Variants in RELN observed in about 807,000 individuals in gnomAD.
RELN encodes the protein reelin.
RELN carries 108 observed loss-of-function variants against 427.6 expected under a neutral mutation model. The observed-to-expected ratio is 0.25, with a 90% CI of 0.22 to 0.30. RELN has a LOEUF of 0.30. RELN is among the 10% of genes least tolerant of loss of function. The probability of loss-of-function intolerance (pLI) is 1.00; values close to 1 mark genes in which losing one functional copy is unlikely to be tolerated. For synonymous variants in RELN, 1,524 were observed against 1,513.4 expected, an observed-to-expected ratio of 1.01 and a Z score of -0.16; for missense variants, 3,715 against 4,302.8, an observed-to-expected ratio of 0.86 and a Z score of 3.82.
At chr7:103,552,391 C>T (rs1830433106) in intron 40 of RELN, among the ~76,000 whole-genome samples, 3 of 151,674 alleles carry the variant, frequency 2.0e-5, no homozygotes, top group Non-Finnish European at 2.9e-5. Context: ...ATACACTATA[C>T]ATATTATGTG....
chr7:103,835,378 C>T (rs1202524946), intron 2 of RELN, among the ~76,000 whole-genome samples: 2 of 152,134 alleles, frequency 1.3e-5, no homozygotes, highest in Non-Finnish European at 2.9e-5. Context: ...GATATGTGTC[C>T]TTATAAATGT....
intron 3 of RELN, among the ~76,000 whole-genome samples, chr7:103,781,897 A>C (rs1176202494): frequency 6.6e-6 from 1 of 152,096 alleles, no homozygotes; most frequent in Admixed American, 6.6e-5. Context: ...GTTATTAACT[A>C]TGCTGGTACT....
rs1830732772 is a variant in RELN, at chr7:103,565,563, A to C, written c.4937-12T>G. On this transcript the variant is annotated splice_polypyrimidine_tract_variant and intron_variant, in intron 33 of 64. Transcript: ENST00000428762. ...ATAACGAGGTTTTCCTGAAAAAAAA[A>C]AATGTGTAATGGTAGCATATATGTG... The C allele has an allele frequency of 6.2e-7, 1 of 1,611,990 alleles. No individual in the cohort carries two copies. Among genetic ancestry groups the C allele is most frequent in the East Asian group, 2.2e-5 (1 of 44,786 alleles).
intron 6 of RELN, among the ~76,000 whole-genome samples, chr7:103,747,437 A>T (rs1790871659): frequency 6.6e-6 from 1 of 152,046 alleles, no homozygotes; most frequent in African/African-American, 2.4e-5. Context: ...AAAAAATAAA[A>T]AGAACGGTAT....
intron 37 of RELN, among the ~76,000 whole-genome samples, chr7:103,557,541 C>A (rs1830552447): frequency 6.6e-6 from 1 of 152,136 alleles, no homozygotes; most frequent in Non-Finnish European, 1.5e-5. Context: ...TATCTACAAT[C>A]AATTTGTTCA....
chr7:103,597,660 T>TTC (rs993872014), intron 24 of RELN, among the ~76,000 whole-genome samples: 1 of 152,138 alleles, frequency 6.6e-6, no homozygotes, highest in African/African-American at 2.4e-5. Flanking sequence ...TCTCCTTTCC[T>TTC]TCTCTCTCAC....
In RELN at chr7:103,833,515, G is replaced by A. The variant is rs112473817; in HGVS notation, c.473+22C>T. On this transcript the variant is annotated intron_variant, in intron 3 of 64. Transcript: ENST00000428762. ...CTAAGTATTTGCCTTCTGTACGTATGGCAGACACTTTGGGTACTTACATGA... is the reference window on the plus strand; with the variant it reads ...CTAAGTATTTGCCTTCTGTACGTATAGCAGACACTTTGGGTACTTACATGA... 1.8e-3 allele frequency: 2,906 copies of A among 1,610,038 alleles called. 48 individuals are homozygous for A. The African/African-American group carries it at 0.033, about 19-fold the overall frequency.
intron 6 of RELN, among the ~76,000 whole-genome samples, chr7:103,749,029 A>C (rs1250604378): frequency 1.3e-5 from 2 of 152,192 alleles, no homozygotes; most frequent in African/African-American, 4.8e-5. Flanking sequence ...ACTGGAGTAT[A>C]CATAATGAGT....
chr7:103,859,818 G>C (rs1048821304), intron 2 of RELN, among the ~76,000 whole-genome samples: 2 of 152,024 alleles, frequency 1.3e-5, no homozygotes, highest in Admixed American at 1.3e-4. Flanking sequence ...TGAGTAAGTG[G>C]AGCATAGAAC....
At chr7:103,571,337 G>T (rs1830877456) in intron 31 of RELN, among the ~76,000 whole-genome samples, 1 of 152,150 alleles carries the variant, frequency 6.6e-6, no homozygotes. Flanking sequence ...GTCCCCTAAG[G>T]AATTATATCA....
At chr7:103,866,698 A>G (rs548192469) in intron 2 of RELN, among the ~76,000 whole-genome samples, 1 of 152,116 alleles carries the variant, frequency 6.6e-6, no homozygotes, top group Non-Finnish European at 1.5e-5. Flanking sequence ...TATTTTACAA[A>G]ATAATGCACT....
intron 2 of RELN, among the ~76,000 whole-genome samples, chr7:103,909,766 ATT>A (rs1424572706): frequency 2.6e-5 from 2 of 75,900 alleles, no homozygotes; most frequent in Non-Finnish European, 4.8e-5. Context: ...AAATATATAT[ATT>A]TAATATATAT....
At chr7:103,866,100 T>G (rs996323523) in intron 2 of RELN, among the ~76,000 whole-genome samples, 2 of 152,140 alleles carry the variant, frequency 1.3e-5, no homozygotes, top group African/African-American at 4.8e-5. Flanking sequence ...TTAAAATGAT[T>G]TGCAAGCTGA....
At chr7:103,979,742 T>C (rs1179830785) in intron 1 of RELN, among the ~76,000 whole-genome samples, 1 of 152,184 alleles carries the variant, frequency 6.6e-6, no homozygotes, top group Non-Finnish European at 1.5e-5. Flanking sequence ...AAGAGAGGAA[T>C]ATACAATAGA....
intron 8 of RELN, among the ~76,000 whole-genome samples, chr7:103,710,823 A>G (rs1348684715): frequency 6.6e-6 from 1 of 152,224 alleles, no homozygotes; most frequent in Non-Finnish European, 1.5e-5. Context: ...AGGTTGGTGG[A>G]TCACGATGTC....
chr7:103,474,768 GC>G (rs1437509854), intron 64 of RELN, among the ~76,000 whole-genome samples: 1 of 149,508 alleles, frequency 6.7e-6, no homozygotes, highest in Admixed American at 6.7e-5. Flanking sequence ...TATTATAGTG[GC>G]CCCCTGAACT....
chr7:103,578,528 G>A (rs1025614521), intron 28 of RELN, among the ~76,000 whole-genome samples: 4 of 152,088 alleles, frequency 2.6e-5, no homozygotes, highest in Non-Finnish European at 5.9e-5. Context: ...AGATTTCACT[G>A]GCCATGACCT....
chr7:103,943,750 A>G (rs1796161866), intron 1 of RELN, among the ~76,000 whole-genome samples: 1 of 143,970 alleles, frequency 6.9e-6, no homozygotes, highest in Non-Finnish European at 1.5e-5. Flanking sequence ...TGGGAGGCTG[A>G]GGCAGGAGAA....
chr7:103,952,549 ACTCTTTCTCT>A (rs1025453166), intron 1 of RELN, among the ~76,000 whole-genome samples: 2 of 137,850 alleles, frequency 1.5e-5, no homozygotes. Context: ...ACATACTCTC[ACTCTTTCTCT>A]CTCTCTCTCT....
Sources: gnomAD v4.1 joint callset for allele counts (sites outside exome capture counted in the v4.1 genomes callset) on GRCh38, gnomAD v4.1.1 for gene constraint, MANE v1.5 for transcripts, NCBI Gene and HGNC (gene_info 2026-07-23, HGNC 2026-07-21) for gene names.